Variants in PRLR observed in about 807,000 individuals in gnomAD.
PRLR encodes hPRL receptor.
In PRLR, 13 loss-of-function variants were observed where a neutral mutation model predicts 40.2. That is an observed-to-expected ratio of 0.32 (90% CI 0.21 to 0.51). The LOEUF (loss-of-function observed/expected upper bound fraction) is 0.51. PRLR is among the 20% of genes least tolerant of loss of function. PRLR has a pLI of 0.97. For missense variants in PRLR, 656 were observed against 747.3 expected (o/e 0.88, Z 1.42); for synonymous variants, 269 against 278.7 (o/e 0.97, Z 0.35).
At chr5:35,136,805 G>C (rs1387986267) in intron 1 of PRLR, among the ~76,000 whole-genome samples, 1 of 152,148 alleles carries the variant, frequency 6.6e-6, no homozygotes. Flanking sequence ...TTGAAACATA[G>C]ATTGCTAAGC....
chr5:35,141,267 A>C (rs1400654196), intron 1 of PRLR, among the ~76,000 whole-genome samples: 1 of 151,592 alleles, frequency 6.6e-6, no homozygotes, highest in East Asian at 1.9e-4. Flanking sequence ...AATGTGCTTA[A>C]GTCCTTGGTT....
chr5:35,166,047 A>G (rs1023134627), intron 1 of PRLR, among the ~76,000 whole-genome samples: 1 of 152,176 alleles, frequency 6.6e-6, no homozygotes, highest in Admixed American at 6.5e-5. Context: ...GTCAGAAATG[A>G]TACCATTTAG....
intron 1 of PRLR, among the ~76,000 whole-genome samples, chr5:35,128,528 G>T: frequency 6.6e-6 from 1 of 150,648 alleles, no homozygotes; most frequent in East Asian, 2.0e-4. Context: ...TTTTTTTTCA[G>T]AATATGTTTT....
At chr5:35,089,836 ACAT>A (rs1445211682) in intron 2 of PRLR, among the ~76,000 whole-genome samples, 173 bp from the exon 3 acceptor site, 1 of 152,172 alleles carries the variant, frequency 6.6e-6, no homozygotes, top group East Asian at 1.9e-4. Flanking sequence ...TGGCACAGAA[ACAT>A]CAATTCACAC....
At chr5:35,112,836 T>C (rs899115244) in intron 2 of PRLR, among the ~76,000 whole-genome samples, 4 of 152,158 alleles carry the variant, frequency 2.6e-5, no homozygotes, top group Non-Finnish European at 5.9e-5. Context: ...ATTCTTTTTT[T>C]CCCCATTTTA....
At chr5:35,126,538 C>T (rs1302135697) in intron 1 of PRLR, among the ~76,000 whole-genome samples, 5 of 152,048 alleles carry the variant, frequency 3.3e-5, no homozygotes, top group South Asian at 2.1e-4. Flanking sequence ...TTGGCCCACC[C>T]GATTCATTAC....
At chr5:35,115,022 T>G (rs1388115727) in intron 2 of PRLR, among the ~76,000 whole-genome samples, 1 of 152,200 alleles carries the variant, frequency 6.6e-6, no homozygotes, top group African/African-American at 2.4e-5. Flanking sequence ...AGACATGGTA[T>G]TCAGTAGAAC....
At chr5:35,079,751 C>A (rs1467711080) in intron 5 of PRLR, among the ~76,000 whole-genome samples, 1 of 152,136 alleles carries the variant, frequency 6.6e-6, no homozygotes, top group Non-Finnish European at 1.5e-5. Context: ...GCCAAAAGAA[C>A]AAAGCTGGAG....
intron 8 of PRLR, 123 bp from the exon 9 acceptor site, chr5:35,068,408 G>T (rs1175928693): frequency 1.3e-6 from 1 of 789,802 alleles, no homozygotes; most frequent in East Asian, 2.6e-5. Flanking sequence ...GCAGCTCCAT[G>T]AAACAATCAA....
chr5:35,083,448 C>CTGTG (rs144426701), intron 5 of PRLR, among the ~76,000 whole-genome samples: 63 of 144,436 alleles, frequency 4.4e-4, no homozygotes, highest in South Asian at 1.1e-3. Context: ...TCCTCTCTCT[C>CTGTG]TGTGTGTGTG....
intron 9 of PRLR, 120 bp from the exon 10 acceptor site, chr5:35,066,222 C>T (rs1357049685): frequency 1.5e-5 from 15 of 1,008,322 alleles, no homozygotes; most frequent in African/African-American, 1.5e-4. Context: ...AAACTTCAGA[C>T]ATTTGTGTGC....
intron 1 of PRLR, among the ~76,000 whole-genome samples, chr5:35,143,810 G>C (rs1175630810): frequency 6.6e-6 from 1 of 152,102 alleles, no homozygotes; most frequent in Non-Finnish European, 1.5e-5. Flanking sequence ...AGAAAATGGA[G>C]CTATGCATTT....
chr5:35,140,088 G>C (rs1037354875), intron 1 of PRLR, among the ~76,000 whole-genome samples: 3 of 152,088 alleles, frequency 2.0e-5, no homozygotes, highest in African/African-American at 7.2e-5. Context: ...TAACTATAAT[G>C]CTCCATCCCA....
At chr5:35,074,715 C>G (rs1769963531) in intron 5 of PRLR, among the ~76,000 whole-genome samples, 1 of 151,814 alleles carries the variant, frequency 6.6e-6, no homozygotes, top group Admixed American at 6.6e-5. Context: ...CAATTGCATA[C>G]TATAAAATAG....
intron 1 of PRLR, among the ~76,000 whole-genome samples, chr5:35,147,813 CA>C (rs556831296): frequency 2.9e-4 from 44 of 151,970 alleles, no homozygotes; most frequent in African/African-American, 9.4e-4. Context: ...GAAAAACAAA[CA>C]AAAAAACCAA....
At chr5:35,217,218 C>T (rs926915076) in intron 1 of PRLR, among the ~76,000 whole-genome samples, 4 of 152,174 alleles carry the variant, frequency 2.6e-5, no homozygotes, top group African/African-American at 9.7e-5. Flanking sequence ...TACATGCCAA[C>T]ACTGGGGGCC....
intron 2 of PRLR, among the ~76,000 whole-genome samples, chr5:35,109,395 C>T (rs1053273357): frequency 4.6e-5 from 7 of 152,120 alleles, no homozygotes; most frequent in African/African-American, 1.7e-4. Context: ...AGAACTTCTG[C>T]CCAGCAAAAG....
intron 5 of PRLR, among the ~76,000 whole-genome samples, chr5:35,076,900 C>T (rs529086834): frequency 2.0e-5 from 3 of 152,058 alleles, no homozygotes; most frequent in East Asian, 1.9e-4. Flanking sequence ...TCAACATTCT[C>T]AAAGAAAAGA....
At chr5:35,135,090 G>GTT (rs771752166) in intron 1 of PRLR, among the ~76,000 whole-genome samples, 3 of 125,944 alleles carry the variant, frequency 2.4e-5, no homozygotes, top group Admixed American at 7.3e-5. Context: ...AGAGATTTGT[G>GTT]TTTTTTTTTT....
Sources: gnomAD v4.1 joint callset for allele counts (sites outside exome capture counted in the v4.1 genomes callset) on GRCh38, gnomAD v4.1.1 for gene constraint, MANE v1.5 for transcripts, NCBI Gene and HGNC (gene_info 2026-07-23, HGNC 2026-07-21) for gene names.